Variants in DLGAP4 observed in about 807,000 individuals in gnomAD.
DLGAP4 encodes the protein DLG associated protein 4.
A neutral mutation model predicts 86.9 loss-of-function variants in DLGAP4; 18 were observed. The observed-to-expected ratio is 0.21, with a 90% CI of 0.14 to 0.31. DLGAP4 has a LOEUF of 0.31. Ranked by LOEUF, DLGAP4 falls within the 10% of genes least tolerant of loss-of-function variation. DLGAP4 has a pLI of 1.00. For synonymous variants in DLGAP4, 548 were observed against 574.3 expected (o/e 0.95, Z 0.65); for missense variants, 1,085 against 1,362.6 (o/e 0.80, Z 3.21).
intron 2 of DLGAP4, among the ~76,000 whole-genome samples, chr20:36,370,177 G>C (rs1251511336): frequency 6.6e-6 from 1 of 152,098 alleles, no homozygotes; most frequent in Non-Finnish European, 1.5e-5. Flanking sequence ...GGTCTCCAAG[G>C]GGACAGAGCA....
chr20:36,442,839 T>G, intron 6 of DLGAP4, 62 bp downstream of exon 6: 1 of 1,609,594 alleles, frequency 6.2e-7, no homozygotes, highest in Non-Finnish European at 8.5e-7. Context: ...GCCTTAGGCC[T>G]GCCCTCTGAG....
At chr20:36,344,215 CTGTG>C (rs1320875052) in intron 1 of DLGAP4, among the ~76,000 whole-genome samples, 1 of 152,204 alleles carries the variant, frequency 6.6e-6, no homozygotes, top group East Asian at 1.9e-4. Flanking sequence ...TCTTCACTAG[CTGTG>C]TGACCTTGAG....
chr20:36,432,347 C>T lies in DLGAP4; in HGVS notation c.630C>T (p.Asn210=), dbSNP rs749140354. 13 of 1,613,574 alleles carry T rather than the reference C, an allele frequency of 8.1e-6. No homozygotes were observed. The highest frequency in any genetic ancestry group is 3.3e-4 in the Middle Eastern group (2 of 6,084). Residue 210 remains asparagine, a synonymous_variant, in exon 3 of 13, where the codon AAC becomes AAT. Transcript: ENST00000339266. The surrounding 1 kb of genome is among the most constrained non-coding windows in gnomAD (Gnocchi z 6.5). Reference sequence around the variant, plus strand: ...CAGGCTGGTGGAGCTCCGATGACAACTTGGACGGCGAGGCCGGCGCCTTCC... The same window carrying T: ...CAGGCTGGTGGAGCTCCGATGACAATTTGGACGGCGAGGCCGGCGCCTTCC... ...NISGWWSSDD[N]LDGEAGAFRS... is the part of the protein sequence containing the mutation.
At chr20:36,330,810 G>A (rs1555891461) in intron 1 of DLGAP4, among the ~76,000 whole-genome samples, 1 of 152,130 alleles carries the variant, frequency 6.6e-6, no homozygotes. Context: ...TTGACCTTGT[G>A]ATTCTGCCCA....
At chr20:36,395,750 C>T (rs1440455845) in intron 2 of DLGAP4, among the ~76,000 whole-genome samples, 3 of 152,264 alleles carry the variant, frequency 2.0e-5, no homozygotes, top group South Asian at 2.1e-4. Context: ...CCGCCCGCCT[C>T]GGCCTCCCAA....
At chr20:36,516,663 C>T (rs1376580134) in intron 10 of DLGAP4, among the ~76,000 whole-genome samples, 1 of 132,272 alleles carries the variant, frequency 7.6e-6, no homozygotes, top group Non-Finnish European at 1.6e-5. Flanking sequence ...TAGACTCCGT[C>T]TCAGGAAAAA....
At chr20:36,375,039 A>G (rs1569477320) in intron 2 of DLGAP4, among the ~76,000 whole-genome samples, 4 of 152,270 alleles carry the variant, frequency 2.6e-5, no homozygotes, top group African/African-American at 7.2e-5. Flanking sequence ...TGCTTCAGCC[A>G]ATTTTACAAA....
intron 1 of DLGAP4, among the ~76,000 whole-genome samples, chr20:36,317,636 A>T (rs1172410035): frequency 1.6e-5 from 2 of 126,380 alleles, no homozygotes; most frequent in African/African-American, 5.6e-5. Context: ...AAAAAAAAAA[A>T]TTTAGAGATG....
intron 7 of DLGAP4, among the ~76,000 whole-genome samples, chr20:36,479,237 T>A (rs2035077328): frequency 6.6e-6 from 1 of 152,092 alleles, no homozygotes; most frequent in African/African-American, 2.4e-5. Context: ...CTTGCCAAGT[T>A]GTCTCTTACT....
At chr20:36,398,995 C>T (rs1344743732) in intron 2 of DLGAP4, among the ~76,000 whole-genome samples, 1 of 152,108 alleles carries the variant, frequency 6.6e-6, no homozygotes, top group Non-Finnish European at 1.5e-5. Context: ...CAGTTCAAGA[C>T]CAGTCTGGGC....
intron 1 of DLGAP4, among the ~76,000 whole-genome samples, chr20:36,322,652 C>A (rs1555890639): frequency 6.6e-6 from 1 of 152,156 alleles, no homozygotes; most frequent in African/African-American, 2.4e-5. Context: ...TGGAGGGCAT[C>A]TGTGCAGATG....
At chr20:36,478,716 A>G (rs1026078816) in intron 7 of DLGAP4, among the ~76,000 whole-genome samples, 16 of 152,174 alleles carry the variant, frequency 1.1e-4, no homozygotes, top group African/African-American at 3.6e-4. Context: ...GTGAGGCTGG[A>G]TCCTGTGAAG....
intron 1 of DLGAP4, among the ~76,000 whole-genome samples, chr20:36,323,593 G>A (rs781953151): frequency 6.6e-5 from 10 of 152,114 alleles, no homozygotes; most frequent in African/African-American, 1.4e-4. Flanking sequence ...AAACTTTTGC[G>A]GTTATTTCTG....
At chr20:36,461,776 T>TC in intron 7 of DLGAP4, 1 of 301,728 alleles carries the variant, frequency 3.3e-6, no homozygotes, top group Non-Finnish European at 4.4e-6. Flanking sequence ...CGCCCGCGCT[T>TC]CCGTCCTGTC....
At chr20:36,461,945 C>A in intron 7 of DLGAP4, 1 of 985,110 alleles carries the variant, frequency 1.0e-6, no homozygotes, top group Non-Finnish European at 1.2e-6. Flanking sequence ...CAGAGCCGCC[C>A]TTTCTGGGCG....
intron 2 of DLGAP4, among the ~76,000 whole-genome samples, chr20:36,411,804 C>T (rs2032507446): frequency 6.6e-6 from 1 of 152,178 alleles, no homozygotes; most frequent in African/African-American, 2.4e-5. Flanking sequence ...CCCCAGCACT[C>T]CCTGAATCCC....
At chr20:36,377,940 G>C (rs972309275) in intron 2 of DLGAP4, among the ~76,000 whole-genome samples, 1 of 152,190 alleles carries the variant, frequency 6.6e-6, no homozygotes, top group Non-Finnish European at 1.5e-5. Context: ...CGGAGCCCAG[G>C]CTCAACGACT....
intron 7 of DLGAP4, among the ~76,000 whole-genome samples, chr20:36,495,527 A>C (rs2035851145): frequency 6.6e-6 from 1 of 152,232 alleles, no homozygotes; most frequent in African/African-American, 2.4e-5. Context: ...CCCTCCCAGC[A>C]AACAGCTACT....
intron 2 of DLGAP4, among the ~76,000 whole-genome samples, chr20:36,368,847 C>G (rs2147417584): frequency 6.6e-6 from 1 of 152,348 alleles, no homozygotes; most frequent in East Asian, 1.9e-4. Context: ...TTAAATTCCC[C>G]CATAACCCTG....
Sources: gnomAD v4.1 joint callset for allele counts (sites outside exome capture counted in the v4.1 genomes callset) on GRCh38, gnomAD v4.1.1 for gene constraint, Gnocchi (gnomAD v3.1) non-coding constraint, MANE v1.5 for transcripts, NCBI Gene and HGNC (gene_info 2026-07-23, HGNC 2026-07-21) for gene names.